Variants in CPNE4 observed in about 807,000 individuals in gnomAD.
CPNE4 encodes copine-4.
CPNE4 carries 25 observed loss-of-function variants against 67.9 expected under a neutral mutation model. The ratio of observed to expected loss-of-function variants is 0.37; its 90% CI spans 0.27 to 0.51. The LOEUF is 0.51. Ranked by LOEUF, CPNE4 falls within the 20% of genes least tolerant of loss-of-function variation. The pLI, the probability that CPNE4 is intolerant of heterozygous loss-of-function variation, is 0.93. For synonymous variants in CPNE4, 242 were observed against 244.9 expected (o/e 0.99, Z 0.11); for missense variants, 464 against 690.8 (o/e 0.67, Z 3.68).
intron 4 of CPNE4, among the ~76,000 whole-genome samples, chr3:131,698,307 C>T (rs1282002627): frequency 6.8e-6 from 1 of 146,580 alleles, no homozygotes; most frequent in Non-Finnish European, 1.5e-5. Context: ...AAGAAAATCT[C>T]AGGATATCTC....
intron 7 of CPNE4, among the ~76,000 whole-genome samples, chr3:131,622,740 G>T (rs1350285934): frequency 6.6e-6 from 1 of 152,198 alleles, no homozygotes; most frequent in Non-Finnish European, 1.5e-5. Flanking sequence ...ATTGACAGGA[G>T]AGGGTGGACA....
chr3:131,613,588 A>G (rs766084158), intron 7 of CPNE4, among the ~76,000 whole-genome samples: 1 of 152,232 alleles, frequency 6.6e-6, no homozygotes, highest in Non-Finnish European at 1.5e-5. Context: ...ATTTGCAAAT[A>G]ACTACCTTGG....
intron 1 of CPNE4, among the ~76,000 whole-genome samples, chr3:131,933,392 A>G (rs1327132083): frequency 2.6e-5 from 4 of 152,166 alleles, no homozygotes; most frequent in Non-Finnish European, 5.9e-5. Context: ...TGGAATATGT[A>G]TGTGTAGAAA....
At chr3:132,029,076 C>T (rs1040268230) in intron 1 of CPNE4, among the ~76,000 whole-genome samples, 1 of 152,042 alleles carries the variant, frequency 6.6e-6, no homozygotes, top group Non-Finnish European at 1.5e-5. Context: ...TCCTAATACT[C>T]GGGTTAAGTG....
chr3:131,944,813 T>A (rs527400765), intron 1 of CPNE4, among the ~76,000 whole-genome samples: 2 of 152,176 alleles, frequency 1.3e-5, no homozygotes, highest in East Asian at 3.9e-4. Context: ...CCAATATGCA[T>A]CTAATGATGA....
intron 6 of CPNE4, among the ~76,000 whole-genome samples, chr3:131,683,259 C>A (rs10934973): frequency 0.018 from 2,696 of 152,276 alleles, 91 homozygotes; most frequent in African/African-American, 0.062. Context: ...CTAAAGCCAC[C>A]ATGTCTCTGT....
chr3:131,799,926 TGTG>T (rs1487756016), intron 2 of CPNE4, among the ~76,000 whole-genome samples: 846 of 35,608 alleles, frequency 0.024, 13 homozygotes, highest in African/African-American at 0.067. Flanking sequence ...GTGTTGTGTG[TGTG>T]TGTGTGTGTG....
chr3:132,037,887 G>C (rs999520678), upstream of CPNE4: 2 of 338,796 alleles, frequency 5.9e-6, no homozygotes, highest in East Asian at 9.7e-5. Flanking sequence ...GATGATGAAG[G>C]GGAAAAACAG....
intron 7 of CPNE4, among the ~76,000 whole-genome samples, chr3:131,588,623 G>T (rs1938334317): frequency 6.6e-6 from 1 of 152,160 alleles, no homozygotes. Flanking sequence ...ATGCCTCATA[G>T]ATCTATAATA....
chr3:131,922,525 G>C (rs1055038427), intron 1 of CPNE4, among the ~76,000 whole-genome samples: 1 of 152,188 alleles, frequency 6.6e-6, no homozygotes, highest in Non-Finnish European at 1.5e-5. Flanking sequence ...ATGCCCATCT[G>C]TATGACCAGT....
chr3:131,642,805 G>A (rs1331977626), intron 7 of CPNE4, among the ~76,000 whole-genome samples: 8 of 151,990 alleles, frequency 5.3e-5, no homozygotes, highest in Non-Finnish European at 2.9e-5. Flanking sequence ...GTTTCCTGAG[G>A]CCTCCCCAGC....
intron 14 of CPNE4, among the ~76,000 whole-genome samples, chr3:131,544,353 G>GA (rs897175206): frequency 8.6e-5 from 13 of 151,958 alleles, no homozygotes; most frequent in African/African-American, 2.7e-4. Flanking sequence ...CTGTGAGCCT[G>GA]AAAAAATGTT....
At chr3:131,837,071 C>T (rs999643811) in intron 2 of CPNE4, among the ~76,000 whole-genome samples, 1 of 152,110 alleles carries the variant, frequency 6.6e-6, no homozygotes, top group Non-Finnish European at 1.5e-5. Context: ...GCAATATTGG[C>T]AATACCTACT....
intron 6 of CPNE4, among the ~76,000 whole-genome samples, chr3:131,674,170 G>C (rs1293919968): frequency 6.6e-6 from 1 of 151,888 alleles, no homozygotes. Context: ...AATCCCTCTT[G>C]GTCATGGTGC....
intron 2 of CPNE4, among the ~76,000 whole-genome samples, chr3:131,887,723 T>G (rs1021345989): frequency 6.6e-6 from 1 of 152,228 alleles, no homozygotes. Flanking sequence ...TTCAAGCTTC[T>G]GAGAAAACTC....
chr3:131,600,424 AG>A (rs1939137925), intron 7 of CPNE4, among the ~76,000 whole-genome samples: 1 of 152,198 alleles, frequency 6.6e-6, no homozygotes, highest in Admixed American at 6.5e-5. Flanking sequence ...AAATGATTGA[AG>A]GGTTAACTTT....
intron 7 of CPNE4, among the ~76,000 whole-genome samples, chr3:131,603,740 G>A (rs1939341214): frequency 6.6e-6 from 1 of 152,096 alleles, no homozygotes; most frequent in Admixed American, 6.5e-5. Context: ...GAGGAGACAG[G>A]CATTTTGAAG....
At chr3:131,917,184 ATTTC>A (rs1424048744) in intron 1 of CPNE4, among the ~76,000 whole-genome samples, 1 of 152,158 alleles carries the variant, frequency 6.6e-6, no homozygotes, top group Admixed American at 6.6e-5. Context: ...TCTCCTCAGA[ATTTC>A]TTTCTAACGT....
At chr3:131,917,397 T>G (rs2070588063) in intron 1 of CPNE4, among the ~76,000 whole-genome samples, 1 of 152,114 alleles carries the variant, frequency 6.6e-6, no homozygotes, top group East Asian at 1.9e-4. Flanking sequence ...GGAGGACATG[T>G]TGGAAGATAC....
Sources: allele counts gnomAD v4.1 joint callset (sites outside exome capture counted in the v4.1 genomes callset), GRCh38; gene constraint gnomAD v4.1.1; transcripts MANE v1.5; gene names NCBI Gene and HGNC (gene_info 2026-07-23, HGNC 2026-07-21).